The following DAPK2 variants were observed in gnomAD, a reference collection of about 807,000 sequenced individuals.
The protein encoded by DAPK2 is death-associated protein kinase 2.
Under a neutral mutation model 44.1 loss-of-function variants are expected in DAPK2, and 35 were observed. The ratio of observed to expected loss-of-function variants is 0.79; its 90% CI spans 0.61 to 1.05. The LOEUF is 1.05. DAPK2 is among the 50% of genes least tolerant of loss of function. DAPK2 has a pLI of 0.00. For missense variants in DAPK2, 453 were observed against 483.2 expected (o/e 0.94, Z 0.59); for synonymous variants, 174 against 182.6 (o/e 0.95, Z 0.38).
chr15:63,911,584 G>A (rs2078793014), intron 10 of DAPK2: 1 of 358,168 alleles, frequency 2.8e-6, no homozygotes, highest in African/African-American at 2.0e-5. Context: ...GCAGCTTTTG[G>A]GTTATCAGAA....
chr15:63,941,580 A>C (rs760218684), intron 3 of DAPK2, among the ~76,000 whole-genome samples: 110 of 152,258 alleles, frequency 7.2e-4, no homozygotes, highest in African/African-American at 2.0e-3. Flanking sequence ...TTCCAGCTGG[A>C]AACTTCCACT....
intron 1 of DAPK2, among the ~76,000 whole-genome samples, chr15:64,012,552 C>T (rs2079415277): frequency 6.6e-6 from 1 of 152,228 alleles, no homozygotes; most frequent in South Asian, 2.1e-4. Context: ...TATGGTCCAT[C>T]CATAACAGGT....
intron 8 of DAPK2, among the ~76,000 whole-genome samples, chr15:63,915,995 G>A (rs1396198525): frequency 2.6e-5 from 4 of 151,306 alleles, no homozygotes; most frequent in Admixed American, 6.6e-5. Flanking sequence ...CTCCTGACCC[G>A]CCCCTCCCTG....
chr15:63,949,174 T>C (rs2077525836), intron 3 of DAPK2, among the ~76,000 whole-genome samples: 3 of 152,204 alleles, frequency 2.0e-5, no homozygotes, highest in Non-Finnish European at 4.4e-5. Context: ...CAGTTGCACT[T>C]GGATTTGTTA....
intron 1 of DAPK2, among the ~76,000 whole-genome samples, chr15:64,027,425 C>T (rs1281844548): frequency 6.6e-6 from 1 of 151,678 alleles, no homozygotes; most frequent in Non-Finnish European, 1.5e-5. Context: ...CAAAATTAGC[C>T]AGGTATGGTG....
intron 2 of DAPK2, among the ~76,000 whole-genome samples, chr15:63,982,100 C>T (rs183344720): frequency 4.0e-5 from 6 of 151,716 alleles, no homozygotes; most frequent in Admixed American, 1.3e-4. Flanking sequence ...GTGACTTGCC[C>T]AAGGGCACAA....
intron 4 of DAPK2, chr15:63,935,541 G>T (rs566594155): frequency 6.6e-6 from 1 of 152,204 alleles, no homozygotes; most frequent in East Asian, 1.9e-4. Context: ...TCTTTTGCAG[G>T]TATTTGTCTT....
intron 1 of DAPK2, among the ~76,000 whole-genome samples, chr15:64,002,389 G>A (rs188979618): frequency 6.6e-6 from 1 of 152,108 alleles, no homozygotes; most frequent in South Asian, 2.1e-4. Context: ...AATAAAATAC[G>A]TTTTGAAGAT....
chr15:64,011,230 G>T (rs982204635), intron 1 of DAPK2, among the ~76,000 whole-genome samples: 3 of 152,138 alleles, frequency 2.0e-5, no homozygotes, highest in Non-Finnish European at 4.4e-5. Flanking sequence ...GTCACCTCTT[G>T]CCTGTGAGCC....
chr15:64,042,649 G>A (rs534873532), upstream of DAPK2, among the ~76,000 whole-genome samples: 1 of 152,346 alleles, frequency 6.6e-6, no homozygotes, highest in African/African-American at 2.4e-5. The surrounding 1 kb of genome is among the most constrained non-coding windows in gnomAD (Gnocchi z 4.7). Flanking sequence ...GGACAAACTA[G>A]GCCCACCAGT....
intron 1 of DAPK2, among the ~76,000 whole-genome samples, chr15:64,023,109 G>A (rs1053101574): frequency 2.6e-5 from 4 of 152,180 alleles, no homozygotes; most frequent in Non-Finnish European, 4.4e-5. Context: ...GGTTTACAGA[G>A]TCTCTTCTCT....
At chr15:63,995,156 T>C (rs2078919095) in intron 1 of DAPK2, among the ~76,000 whole-genome samples, 2 of 152,160 alleles carry the variant, frequency 1.3e-5, no homozygotes, top group African/African-American at 2.4e-5. Flanking sequence ...CATGTATAAA[T>C]CTCTGCATAC....
At chr15:63,971,393 T>G (rs2140742337) in intron 3 of DAPK2, 30 bp downstream of exon 4, 1 of 1,612,988 alleles carries the variant, frequency 6.2e-7, no homozygotes, top group Non-Finnish European at 8.5e-7. Context: ...TTCCTAAACT[T>G]GATTCTTTTC....
At chr15:64,025,407 A>G (rs1204326136) in intron 1 of DAPK2, among the ~76,000 whole-genome samples, 2 of 152,140 alleles carry the variant, frequency 1.3e-5, no homozygotes. Flanking sequence ...CACTCCAAAG[A>G]GGGCAGGATT....
chr15:63,996,275 C>T (rs954773732), intron 1 of DAPK2, among the ~76,000 whole-genome samples: 2 of 152,054 alleles, frequency 1.3e-5, no homozygotes, highest in Non-Finnish European at 2.9e-5. Context: ...CTCTACCCTG[C>T]CCCCCAAAAT....
chr15:64,023,429 G>C (rs555366520), intron 1 of DAPK2, among the ~76,000 whole-genome samples: 1 of 152,210 alleles, frequency 6.6e-6, no homozygotes. Flanking sequence ...CACACACGGT[G>C]GGGGAAGGGC....
intron 8 of DAPK2, chr15:63,922,873 C>G (rs1455591931): frequency 6.5e-7 from 1 of 1,535,826 alleles, no homozygotes; most frequent in Admixed American, 2.0e-5. Flanking sequence ...TGCCCACCAG[C>G]TCCTGAATCC....
rs182279025 is a variant in DAPK2, at chr15:63,916,729, C to T, written c.859-4532G>A. ...GGAAGGAGGCAGAAACATTCCTTTC[C>T]TTGCTTGGCCTGGTCTCACATTTCT... On this transcript the variant is annotated intron_variant, in intron 8 of 10. Transcript: ENST00000261891. This position sits in a 1 kb window ranked among gnomAD's most constrained non-coding sequence, Gnocchi z 4.7. 58 of 152,396 alleles carry T rather than the reference C, an allele frequency of 3.8e-4. 1 individual carries two copies. The highest frequency in any genetic ancestry group is 1.3e-3 in the African/African-American group (53 of 41,580). 9.4% of individuals were successfully genotyped at this position (152,396 alleles called of 1,614,324 possible).
chr15:63,946,504 G>A (rs537411558), intron 3 of DAPK2, among the ~76,000 whole-genome samples: 3 of 152,370 alleles, frequency 2.0e-5, no homozygotes, highest in African/African-American at 7.2e-5. Context: ...CTGTGATTGA[G>A]AGAGATGGTT....
Sources: allele counts gnomAD v4.1 joint callset (sites outside exome capture counted in the v4.1 genomes callset), GRCh38; gene constraint gnomAD v4.1.1; non-coding constraint Gnocchi (gnomAD v3.1); transcripts MANE v1.5; gene names NCBI Gene and HGNC (gene_info 2026-07-23, HGNC 2026-07-21).